Variants in GLIS3 observed in about 807,000 individuals in gnomAD.
GLIS3 encodes zinc finger protein GLIS3.
A neutral mutation model predicts 78.6 loss-of-function variants in GLIS3; 53 were observed. The observed-to-expected ratio is 0.67, with a 90% CI of 0.54 to 0.85. The LOEUF is 0.85. Among genes scored for constraint, GLIS3 ranks in the 40% least tolerant of loss-of-function variants. The pLI is 0.00. For missense variants in GLIS3, 1,703 were observed against 1,231.1 expected (o/e 1.38, Z -5.74); for synonymous variants, 684 against 509.9 (o/e 1.34, Z -4.60).
intron 2 of GLIS3, among the ~76,000 whole-genome samples, chr9:4,145,520 T>C (rs1276247434): frequency 3.0e-4 from 45 of 152,086 alleles, no homozygotes; most frequent in Non-Finnish European, 8.8e-5. Context: ...CCACAGGATA[T>C]CGCAACACAC....
At chr9:3,885,241 G>A (rs1291997947) in intron 7 of GLIS3, among the ~76,000 whole-genome samples, 2 of 152,200 alleles carry the variant, frequency 1.3e-5, no homozygotes, top group Non-Finnish European at 1.5e-5. Flanking sequence ...AGGGTTATTC[G>A]TGAGCAATTA....
At chr9:4,371,441 T>C in the GLIS3 span, among the ~76,000 whole-genome samples, 1 of 152,232 alleles carries the variant, frequency 6.6e-6, no homozygotes, top group Non-Finnish European at 1.5e-5. Context: ...AACTTCTGTA[T>C]GTGGCCTGTG....
chr9:4,446,400 C>T, the GLIS3 span, among the ~76,000 whole-genome samples: 3 of 152,086 alleles, frequency 2.0e-5, no homozygotes, highest in Non-Finnish European at 4.4e-5. Flanking sequence ...ACTTCCCAGT[C>T]TCCAGAAACA....
At chr9:3,907,402 G>A (rs72685634) in intron 6 of GLIS3, among the ~76,000 whole-genome samples, 15,238 of 152,110 alleles carry the variant, frequency 0.1, 932 homozygotes, top group South Asian at 0.27. Flanking sequence ...AATAGACAAC[G>A]TGATCCTTTC....
At chr9:4,164,254 TG>T (rs752274318) in intron 2 of GLIS3, among the ~76,000 whole-genome samples, 1 of 152,204 alleles carries the variant, frequency 6.6e-6, no homozygotes, top group Non-Finnish European at 1.5e-5. Flanking sequence ...AGGCAAACCC[TG>T]GGAAAATTAT....
At chr9:4,044,527 G>C (rs571484680) in intron 4 of GLIS3, among the ~76,000 whole-genome samples, 5 of 152,232 alleles carry the variant, frequency 3.3e-5, no homozygotes, top group African/African-American at 1.2e-4. Flanking sequence ...TATTCACAGA[G>C]AAGGAATCCA....
intron 2 of GLIS3, among the ~76,000 whole-genome samples, chr9:4,199,468 TTATA>T (rs996447484): frequency 6.7e-6 from 1 of 148,434 alleles, no homozygotes; most frequent in East Asian, 1.9e-4. Flanking sequence ...ATATATAAGT[TTATA>T]TATATAAGTT....
Position 4,115,905 on chromosome 9 carries a change from A to G in GLIS3, c.1710+1863T>C, listed in dbSNP as rs572880689. Among the ~76,000 whole-genome samples the G allele has an allele frequency of 7.2e-5, 11 of 152,334 alleles. No homozygotes were observed. In the East Asian group the frequency reaches 2.1e-3, roughly 29 times the overall value. On this transcript the variant is annotated intron_variant, in intron 4 of 10. Transcript: ENST00000381971. The stretch of plus-strand genomic sequence containing the variant: ...TAGAAGTGGGGAGTGGGCAGATCAG[A>G]GGAAGAGAAATCATCTCCCATACCC...
At chr9:4,229,512 G>A (rs1375257626) in intron 2 of GLIS3, among the ~76,000 whole-genome samples, 1 of 152,272 alleles carries the variant, frequency 6.6e-6, no homozygotes, top group East Asian at 1.9e-4. Flanking sequence ...CTGGAGAAGT[G>A]TCTCCTGCAC....
At chr9:4,049,602 T>A (rs16920513) in intron 4 of GLIS3, among the ~76,000 whole-genome samples, 2,290 of 152,174 alleles carry the variant, frequency 0.015, 60 homozygotes, top group African/African-American at 0.053. Flanking sequence ...TGCGCACACA[T>A]AGGAATAAGC....
intron 2 of GLIS3, among the ~76,000 whole-genome samples, chr9:4,329,111 A>G (rs1448156223): frequency 6.6e-6 from 1 of 152,132 alleles, no homozygotes; most frequent in East Asian, 1.9e-4. Flanking sequence ...CAATCCACCA[A>G]TATACTGCCG....
At chr9:4,376,541 C>T in the GLIS3 span, among the ~76,000 whole-genome samples, 3 of 130,594 alleles carry the variant, frequency 2.3e-5, 1 homozygote, top group East Asian at 6.9e-4. Flanking sequence ...ACAAGCAAAC[C>T]TGACTTTTGT....
chr9:4,393,399 G>A, the GLIS3 span, among the ~76,000 whole-genome samples: 2 of 152,096 alleles, frequency 1.3e-5, no homozygotes, highest in African/African-American at 4.8e-5. Context: ...TAACTACACT[G>A]TGATTATCAA....
At chr9:4,261,253 G>A (rs887380251) in intron 2 of GLIS3, among the ~76,000 whole-genome samples, 4 of 152,126 alleles carry the variant, frequency 2.6e-5, no homozygotes, top group Admixed American at 6.5e-5. Flanking sequence ...CAGAATAAAC[G>A]CTCCCAATTC....
intron 8 of GLIS3, among the ~76,000 whole-genome samples, chr9:3,874,877 A>G (rs959904597): frequency 6.6e-6 from 1 of 152,124 alleles, no homozygotes; most frequent in African/African-American, 2.4e-5. Context: ...GAAGCCCTTC[A>G]TAAGCCTCTC....
the GLIS3 span, among the ~76,000 whole-genome samples, chr9:4,419,413 A>T: frequency 6.6e-6 from 1 of 152,104 alleles, no homozygotes; most frequent in Non-Finnish European, 1.5e-5. Context: ...GTTTCTGGGG[A>T]GGCCTCAGGA....
rs531455970 is a variant in GLIS3, at chr9:3,861,485, G to T, written c.2298-5301C>A. Among the ~76,000 whole-genome samples the T allele has an allele frequency of 2.0e-5, 3 of 152,200 alleles. No homozygotes were observed. The East Asian group carries it at 5.8e-4, about 29-fold the overall frequency. On this transcript the variant is annotated intron_variant, in intron 8 of 10. Coordinates refer to ENST00000381971, the MANE Select transcript of GLIS3 (RefSeq NM_001042413.2). ...ATAAATCATATAAAGATACATGCAT[G>T]TGTACGTTCATTGCAGCACTATTCA...
chr9:4,284,073 G>A (rs937700600), intron 2 of GLIS3, among the ~76,000 whole-genome samples: 1 of 152,156 alleles, frequency 6.6e-6, no homozygotes, highest in African/African-American at 2.4e-5. Flanking sequence ...AGAAAACATG[G>A]CTTTAATTAC....
intron 2 of GLIS3, among the ~76,000 whole-genome samples, chr9:4,324,820 AAAAAT>A (rs1462331406): frequency 1.2e-4 from 18 of 152,184 alleles, no homozygotes; most frequent in African/African-American, 3.9e-4. Flanking sequence ...TCAAGTTTCC[AAAAAT>A]AAAATAAAAT....
Sources: gnomAD v4.1 joint callset for allele counts (sites outside exome capture counted in the v4.1 genomes callset) on GRCh38, gnomAD v4.1.1 for gene constraint, MANE v1.5 for transcripts, NCBI Gene and HGNC (gene_info 2026-07-23, HGNC 2026-07-21) for gene names.